The following ADA2 variants were observed in gnomAD, a reference collection of about 807,000 sequenced individuals.
The protein encoded by ADA2 is adenosine deaminase 2.
In ADA2, 29 loss-of-function variants were observed where a neutral mutation model predicts 44.2. That is an observed-to-expected ratio of 0.66 (90% CI 0.49 to 0.89). The LOEUF (loss-of-function observed/expected upper bound fraction) is 0.89. Ranked by LOEUF, ADA2 falls within the 40% of genes least tolerant of loss-of-function variation. ADA2 has a pLI of 0.00. For synonymous variants in ADA2, 215 were observed against 234.9 expected, an observed-to-expected ratio of 0.92 and a Z score of 0.77; for missense variants, 637 against 644.8, an observed-to-expected ratio of 0.99 and a Z score of 0.13.
intron 4 of ADA2, among the ~76,000 whole-genome samples, chr22:17,193,759 G>T (rs529952706): frequency 6.6e-6 from 1 of 151,496 alleles, no homozygotes; most frequent in African/African-American, 2.4e-5. Context: ...TGGAGATGTC[G>T]ATTACTTCCA....
chr22:17,197,251 T>C (rs542097151), intron 4 of ADA2, among the ~76,000 whole-genome samples: 4 of 150,870 alleles, frequency 2.7e-5, no homozygotes, highest in Non-Finnish European at 5.9e-5. Flanking sequence ...TTTCTTTTTT[T>C]CTTTCTTTCT....
At chr22:17,205,404 G>A (rs773964704) in intron 3 of ADA2, among the ~76,000 whole-genome samples, 3 of 152,100 alleles carry the variant, frequency 2.0e-5, no homozygotes, top group African/African-American at 4.8e-5. Context: ...ATGACCCAGT[G>A]TGCCCGGCTT....
At chr22:17,219,217 T>C (rs1338907812) in intron 1 of ADA2, 139 bp downstream of exon 1, 2 of 152,304 alleles carry the variant, frequency 1.3e-5, no homozygotes, top group African/African-American at 4.8e-5. Flanking sequence ...GGAGAAAGCC[T>C]GTTACTCCTC....
chr22:17,187,780 G>C (rs1288070477), intron 7 of ADA2, among the ~76,000 whole-genome samples: 1 of 151,906 alleles, frequency 6.6e-6, no homozygotes, highest in Non-Finnish European at 1.5e-5. Context: ...TCTATCAAAT[G>C]GAGATTAAAA....
chr22:17,182,068 A>G, intron 8 of ADA2, 46 bp from the exon 9 acceptor site: 1 of 1,489,726 alleles, frequency 6.7e-7, no homozygotes, highest in South Asian at 1.2e-5. Context: ...TGATCCCTAA[A>G]AAGAGTAGTC....
Position 17,188,416 on chromosome 22 carries a change from T to C in ADA2, c.1004A>G (p.His335Arg), listed in dbSNP as rs2231495. The change falls in exon 7 of 10, where the codon CAT (histidine) becomes CGT (arginine). Residue 335 changes from histidine (H) to arginine (R), a missense_variant. His to Arg is a conservative substitution (Grantham distance 29, BLOSUM62 0). Transcript: ENST00000399837. ...VGHEDTGHSL[H>R]DYKEALMIPA... Reference sequence around the variant, plus strand: ...GATCATCAGAGCTTCCTTGTAGTCATGCAAGGAGTGGCCAGTGTCCTCATG... The same window carrying C: ...GATCATCAGAGCTTCCTTGTAGTCACGCAAGGAGTGGCCAGTGTCCTCATG... 542,284 of 1,611,952 alleles carry C rather than the reference T, an allele frequency of 0.34. 94,070 individuals carry two copies. The highest frequency in any genetic ancestry group is 0.55 in the African/African-American group (40,971 of 74,924).
At chr22:17,189,179 G>A (rs2062082564) in intron 6 of ADA2, among the ~76,000 whole-genome samples, 1 of 151,796 alleles carries the variant, frequency 6.6e-6, no homozygotes, top group African/African-American at 2.4e-5. Context: ...ACCAAGGCTG[G>A]CTAATTTTTG....
intron 2 of ADA2, 137 bp from the exon 3 acceptor site, chr22:17,207,427 C>T: frequency 1.6e-6 from 1 of 617,594 alleles, no homozygotes. Flanking sequence ...AAGTCCCATC[C>T]CAGGGCTCCG....
At chr22:17,204,790 C>T (rs1232420558) in intron 3 of ADA2, among the ~76,000 whole-genome samples, 1 of 133,860 alleles carries the variant, frequency 7.5e-6, no homozygotes, top group Non-Finnish European at 1.6e-5. Flanking sequence ...AAAATCAATT[C>T]CTTCTTTTTT....
At chr22:17,208,423 CAA>C (rs1265041053) in intron 2 of ADA2, among the ~76,000 whole-genome samples, 1 of 69,590 alleles carries the variant, frequency 1.4e-5, no homozygotes, top group African/African-American at 5.6e-5. Flanking sequence ...GACTCCGTCT[CAA>C]AAAAAAAAAG....
At chr22:17,194,692 G>C (rs534131901) in intron 4 of ADA2, among the ~76,000 whole-genome samples, 1 of 152,012 alleles carries the variant, frequency 6.6e-6, no homozygotes, top group African/African-American at 2.4e-5. Flanking sequence ...CCATGCTCAG[G>C]GGCTACTGAA....
chr22:17,193,358 CAA>C (rs71200244), intron 4 of ADA2: 5,833 of 64,758 alleles, frequency 0.09, 339 homozygotes, highest in African/African-American at 0.16. Context: ...GTAAAAACTG[CAA>C]AAAAAAAAAA....
At chr22:17,185,334 T>C (rs2062023959) in intron 7 of ADA2, among the ~76,000 whole-genome samples, 2 of 151,826 alleles carry the variant, frequency 1.3e-5, no homozygotes, top group Non-Finnish European at 2.9e-5. Flanking sequence ...GAGAATGGCG[T>C]GAACCTGGGA....
At chr22:17,216,537 C>T (rs187361944) in intron 1 of ADA2, among the ~76,000 whole-genome samples, 180 of 152,148 alleles carry the variant, frequency 1.2e-3, no homozygotes, top group African/African-American at 4.2e-3. Context: ...GAGGCCGAGG[C>T]AGGTGGATCA....
At chr22:17,210,780 T>C (rs1258440186) in intron 1 of ADA2, among the ~76,000 whole-genome samples, 2 of 151,178 alleles carry the variant, frequency 1.3e-5, no homozygotes, top group Non-Finnish European at 2.9e-5. Context: ...GTATTTTTAA[T>C]AGAGACCATA....
At chr22:17,181,607 T>C in intron 9 of ADA2, 31 bp from the exon 10 acceptor site, 1 of 1,497,918 alleles carries the variant, frequency 6.7e-7, no homozygotes, top group Non-Finnish European at 9.3e-7. Context: ...CAGGTCAGCC[T>C]CAGGGCAGGG....
chr22:17,204,916 C>T (rs186792628), intron 3 of ADA2, among the ~76,000 whole-genome samples: 3 of 151,660 alleles, frequency 2.0e-5, no homozygotes, highest in Admixed American at 1.3e-4. Context: ...TATGTCAGCC[C>T]CCTGGGGTAG....
chr22:17,207,024 C>A (rs775883374), intron 3 of ADA2, 47 bp downstream of exon 3: 2 of 1,449,508 alleles, frequency 1.4e-6, no homozygotes, highest in South Asian at 2.3e-5. Flanking sequence ...TACCCACTGC[C>A]ACCCCATGAC....
chr22:17,220,078 A>G (rs539626462), upstream of ADA2, among the ~76,000 whole-genome samples: 1 of 152,182 alleles, frequency 6.6e-6, no homozygotes, highest in Non-Finnish European at 1.5e-5. Flanking sequence ...AAGCACCGCA[A>G]AGAGGCACTC....
Sources: gnomAD v4.1 joint callset for allele counts (sites outside exome capture counted in the v4.1 genomes callset) on GRCh38, gnomAD v4.1.1 for gene constraint, MANE v1.5 for transcripts, NCBI Gene and HGNC (gene_info 2026-07-23, HGNC 2026-07-21) for gene names.